Variants in USP34 observed in about 807,000 individuals in gnomAD.
USP34 encodes the protein ubiquitin carboxyl-terminal hydrolase 34.
Under a neutral mutation model 460.3 loss-of-function variants are expected in USP34, and 70 were observed. The observed-to-expected ratio is 0.15, with a 90% CI of 0.13 to 0.19. The LOEUF (loss-of-function observed/expected upper bound fraction) is 0.19. Ranked by LOEUF, USP34 falls within the 10% of genes least tolerant of loss-of-function variation. The pLI, the probability that USP34 is intolerant of heterozygous loss-of-function variation, is 1.00. For missense variants in USP34, 3,985 were observed against 4,236.2 expected (o/e 0.94, Z 1.65); for synonymous variants, 1,647 against 1,405.3 (o/e 1.17, Z -3.85).
intron 76 of USP34, among the ~76,000 whole-genome samples, chr2:61,191,825 G>A (rs1039950178): frequency 6.6e-6 from 1 of 152,166 alleles, no homozygotes; most frequent in Admixed American, 6.5e-5. Context: ...GAGGGAAAAC[G>A]AGATCTCCAA....
chr2:61,330,706 G>A lies in USP34; in HGVS notation c.2930+570C>T, dbSNP rs570176867. Among the ~76,000 whole-genome samples, 8 of 152,178 alleles carry A rather than the reference G, an allele frequency of 5.3e-5. No homozygotes were observed. The South Asian group carries it at 1.7e-3, about 32-fold the overall frequency. On this transcript the variant is annotated intron_variant, in intron 20 of 79. Transcript: ENST00000398571. ...TGAATCTCCTATGCATCTCCTTAAAGAAGCTTCAAATACAGCTATACCACC... is the reference window on the plus strand; with the variant it reads ...TGAATCTCCTATGCATCTCCTTAAAAAAGCTTCAAATACAGCTATACCACC...
chr2:61,452,923 A>G (rs1325131480), intron 1 of USP34, among the ~76,000 whole-genome samples: 3 of 150,062 alleles, frequency 2.0e-5, no homozygotes, highest in Non-Finnish European at 4.4e-5. Context: ...AAAAAAAAAA[A>G]AAAACACCCA....
At chr2:61,274,953 A>G (rs1283559954) in intron 41 of USP34, among the ~76,000 whole-genome samples, 1 of 152,216 alleles carries the variant, frequency 6.6e-6, no homozygotes, top group African/African-American at 2.4e-5. Flanking sequence ...GATCATTATG[A>G]AGCTAAATAT....
chr2:61,236,240 G>A lies in USP34; in HGVS notation c.6843-4C>T, dbSNP rs552796548. ...ACTACACAATTGCCACATAAATCTA[G>A]AATTTAAAAATAATCATTTAAAATT... On this transcript the variant is annotated splice_region_variant and splice_polypyrimidine_tract_variant and intron_variant, in intron 54 of 79. Coordinates refer to ENST00000398571, the MANE Select transcript of USP34 (RefSeq NM_014709.4). 4 of 1,607,562 alleles carry A rather than the reference G, an allele frequency of 2.5e-6. No homozygotes were observed. The highest frequency in any genetic ancestry group is 2.5e-6 in the Non-Finnish European group (3 of 1,177,442).
intron 39 of USP34, among the ~76,000 whole-genome samples, chr2:61,278,646 A>G (rs1689444197): frequency 6.6e-6 from 1 of 152,170 alleles, no homozygotes; most frequent in African/African-American, 2.4e-5. Context: ...TCATTCTACA[A>G]AAAAACAATC....
rs189171647 is a variant in USP34 at position 61,394,846 on chromosome 2, T to C, written c.753+7A>G. The C allele has an allele frequency of 4.1e-4, 623 of 1,537,792 alleles. No individual in the cohort carries two copies. The highest frequency in any genetic ancestry group is 2.5e-3 in the Admixed American group (113 of 46,040). Reference sequence around the variant, plus strand: ...CAAAATTAAGATCAATTCAAAACAATACTTACATTAGACACAACTGTAATA... The same window carrying C: ...CAAAATTAAGATCAATTCAAAACAACACTTACATTAGACACAACTGTAATA... On this transcript the variant is annotated splice_region_variant and intron_variant, in intron 5 of 79. Coordinates refer to ENST00000398571, the MANE Select transcript of USP34 (RefSeq NM_014709.4).
intron 3 of USP34, among the ~76,000 whole-genome samples, chr2:61,403,205 A>C (rs1693771713): frequency 6.6e-6 from 1 of 152,204 alleles, no homozygotes; most frequent in East Asian, 1.9e-4. Flanking sequence ...ACGAATAATA[A>C]TAACAAAGTA....
In USP34 at chr2:61,267,496, G is replaced by T. The variant is rs535006341; in HGVS notation, c.5434-1329C>A. Reference sequence around the variant, plus strand: ...CTCACTCTGTCACCTGGGATGGAATGCAGTGGCACAATCTCGGCTCACTGC... The same window carrying T: ...CTCACTCTGTCACCTGGGATGGAATTCAGTGGCACAATCTCGGCTCACTGC... On this transcript the variant is annotated intron_variant, in intron 41 of 79. Coordinates refer to ENST00000398571, the MANE Select transcript of USP34 (RefSeq NM_014709.4). Among the ~76,000 whole-genome samples, 8 of 150,250 alleles carry T rather than the reference G, an allele frequency of 5.3e-5. No individual in the cohort carries two copies. The South Asian group carries it at 1.5e-3, about 28-fold the overall frequency.
intron 2 of USP34, among the ~76,000 whole-genome samples, chr2:61,412,232 G>GAAAGA (rs201090680): frequency 7.4e-6 from 1 of 135,556 alleles, no homozygotes; most frequent in South Asian, 2.4e-4. Flanking sequence ...GAAAGAAACA[G>GAAAGA]AAAGAAAAGA....
chr2:61,349,974 A>G (rs1232590716), intron 12 of USP34, among the ~76,000 whole-genome samples: 1 of 152,188 alleles, frequency 6.6e-6, no homozygotes, highest in East Asian at 1.9e-4. Flanking sequence ...TTCTGAAACA[A>G]AACTTGTTTG....
At chr2:61,243,018 G>A (rs1269291452) in intron 51 of USP34, among the ~76,000 whole-genome samples, 2 of 151,352 alleles carry the variant, frequency 1.3e-5, no homozygotes, top group Non-Finnish European at 2.9e-5. Flanking sequence ...AATTTTTTGC[G>A]TGTTTTTAGT....
chr2:61,369,178 G>T (rs1319427635), intron 10 of USP34, among the ~76,000 whole-genome samples: 2 of 152,042 alleles, frequency 1.3e-5, no homozygotes, highest in East Asian at 3.9e-4. Context: ...AAAATTAAGG[G>T]GAAAGTGAAA....
intron 75 of USP34, chr2:61,199,977 A>G (rs1202300084): frequency 6.6e-6 from 1 of 152,400 alleles, no homozygotes; most frequent in Non-Finnish European, 1.5e-5. Flanking sequence ...TAACTTTACT[A>G]AGTATTTTAC....
intron 51 of USP34, among the ~76,000 whole-genome samples, chr2:61,243,203 A>G (rs934238362): frequency 7.9e-5 from 12 of 151,104 alleles, no homozygotes; most frequent in African/African-American, 2.4e-4. Flanking sequence ...CTGGAGTGCA[A>G]TGGCGCGATG....
intron 3 of USP34, among the ~76,000 whole-genome samples, chr2:61,401,697 C>T (rs1429245789): frequency 6.7e-6 from 1 of 150,184 alleles, no homozygotes; most frequent in African/African-American, 2.4e-5. Context: ...TACAGGCACC[C>T]GCTACCACGC....
chr2:61,444,299 T>C (rs1054691975), intron 1 of USP34, among the ~76,000 whole-genome samples: 1 of 152,066 alleles, frequency 6.6e-6, no homozygotes, highest in African/African-American at 2.4e-5. Context: ...AATTAAAATA[T>C]ACAATAACAG....
In USP34 at chr2:61,246,438, C is replaced by G. The variant is rs1572867915; in HGVS notation, c.6434G>C (p.Ser2145Thr). 1.3e-6 allele frequency: 2 copies of G among 1,597,286 alleles called. No homozygotes were observed. The highest frequency in any genetic ancestry group is 1.7e-5 in the Admixed American group (1 of 57,830). ...EVSDHSKDSE[S>T]YEYDLIGVTV... ...CACTCCTATCAAGTCATATTCATAG[C>G]TCTCTGAGTCTTTTGAATGATCACT... The change falls in exon 50 of 80, where the codon AGC becomes ACC. Residue 2145 changes from serine to threonine, a missense_variant. Ser to Thr is a moderately conservative substitution (Grantham distance 58). Transcript: ENST00000398571.
In USP34 at chr2:61,333,857, A is replaced by C; in HGVS notation, c.2834+25T>G. The C allele has an allele frequency of 2.1e-6, 3 of 1,436,322 alleles. No homozygotes were observed. In the East Asian group the frequency reaches 7.6e-5, roughly 36 times the overall value. The allele number at this position is 1,436,322 out of a possible 1,614,324, so 89.0% of individuals were successfully genotyped here. ...AATTAGAAAAAAATCTTTAAAATAA[A>C]TACTTTTTTCTTTTATTTACTTACA... On this transcript the variant is annotated intron_variant, in intron 19 of 79. Coordinates refer to ENST00000398571, the MANE Select transcript of USP34 (RefSeq NM_014709.4).
chr2:61,395,128 GC>G, intron 4 of USP34, 54 bp downstream of exon 4: 1 of 1,456,710 alleles, frequency 6.9e-7, no homozygotes, highest in Non-Finnish European at 9.3e-7. Flanking sequence ...TATGGATGAG[GC>G]TTTGTTAAAA....
Sources: gnomAD v4.1 joint callset for allele counts (sites outside exome capture counted in the v4.1 genomes callset) on GRCh38, gnomAD v4.1.1 for gene constraint, MANE v1.5 for transcripts, NCBI Gene and HGNC (gene_info 2026-07-23, HGNC 2026-07-21) for gene names.